Variants in NR3C2 observed in about 807,000 individuals in gnomAD.
NR3C2 encodes the protein mineralocorticoid receptor.
Under a neutral mutation model 86.4 loss-of-function variants are expected in NR3C2, and 15 were observed. The ratio of observed to expected loss-of-function variants is 0.17; its 90% CI spans 0.12 to 0.27. The LOEUF (loss-of-function observed/expected upper bound fraction) is 0.27, where lower values mean the gene tolerates loss of function less well. NR3C2 is among the 10% of genes least tolerant of loss of function. The pLI is 1.00. For synonymous variants in NR3C2, 458 were observed against 450.5 expected (o/e 1.02, Z -0.21); for missense variants, 960 against 1,195.6 (o/e 0.80, Z 2.91).
intron 6 of NR3C2, among the ~76,000 whole-genome samples, chr4:148,141,803 G>A (rs1043844623): frequency 1.3e-5 from 2 of 152,154 alleles, no homozygotes; most frequent in African/African-American, 4.8e-5. Context: ...GATCTAGGCT[G>A]CATGCTCCTT....
chr4:148,419,095 C>CTTT (rs33928091), intron 2 of NR3C2, among the ~76,000 whole-genome samples: 3 of 147,648 alleles, frequency 2.0e-5, no homozygotes, highest in African/African-American at 5.0e-5. Context: ...GTTGTTTTTC[C>CTTT]TTTTTTTTTT....
Position 148,393,479 on chromosome 4 carries a change from C to T in NR3C2, c.1757+41625G>A, listed in dbSNP as rs139232911. ...AGCCCTGATTAATGAGGAGCTGTCACGGGGCTCAGATACCTTGGGAGCTGG... is the reference window on the plus strand; with the variant it reads ...AGCCCTGATTAATGAGGAGCTGTCATGGGGCTCAGATACCTTGGGAGCTGG... On this transcript the variant is annotated intron_variant, in intron 2 of 8. Coordinates refer to ENST00000358102, the MANE Select transcript of NR3C2 (RefSeq NM_000901.5). 5.5e-3 allele frequency among the ~76,000 whole-genome samples: 833 copies of T among 152,228 alleles called. 4 individuals carry two copies. Among genetic ancestry groups the T allele is most frequent in the Middle Eastern group, 0.037 (11 of 294 alleles).
intron 2 of NR3C2, among the ~76,000 whole-genome samples, chr4:148,320,739 T>C (rs1183728678): frequency 6.6e-6 from 1 of 152,064 alleles, no homozygotes; most frequent in Non-Finnish European, 1.5e-5. Flanking sequence ...TTATCATTTT[T>C]TTATTGCGTC....
At chr4:148,357,028 C>T (rs61761537) in intron 2 of NR3C2, among the ~76,000 whole-genome samples, 12 of 151,410 alleles carry the variant, frequency 7.9e-5, no homozygotes, top group Non-Finnish European at 1.6e-4. Flanking sequence ...ATTGATAAAC[C>T]TTCAGTGACA....
chr4:148,313,476 AT>A lies in NR3C2; in HGVS notation c.1758-53360del, dbSNP rs778369740. Among the ~76,000 whole-genome samples the A allele has an allele frequency of 8.7e-4, 132 of 152,336 alleles. 2 individuals carry two copies. Among genetic ancestry groups the A allele is most frequent in the Non-Finnish European group, 5.3e-4 (36 of 68,020 alleles). ...ATGTTTTGTAAGCTAAAAACTACTA[AT>A]AAAATATTATTGTAAGTTTTGCAAA... On this transcript the variant is annotated intron_variant, in intron 2 of 8. Transcript: ENST00000358102.
intron 6 of NR3C2, among the ~76,000 whole-genome samples, chr4:148,124,700 T>G (rs1208424994): frequency 1.3e-5 from 2 of 152,196 alleles, no homozygotes; most frequent in African/African-American, 4.8e-5. Flanking sequence ...TTATTTTTCC[T>G]TTTTAAACTC....
intron 2 of NR3C2, among the ~76,000 whole-genome samples, chr4:148,402,212 C>T (rs1748204493): frequency 6.6e-6 from 1 of 152,150 alleles, no homozygotes; most frequent in Admixed American, 6.5e-5. Flanking sequence ...ACCTTCTAGG[C>T]TTTGAATTCT....
chr4:148,257,120 T>C (rs1033930737), intron 3 of NR3C2, among the ~76,000 whole-genome samples: 1 of 152,320 alleles, frequency 6.6e-6, no homozygotes, highest in South Asian at 2.1e-4. Context: ...TTTAAATGAC[T>C]TCCCTCAAAT....
At chr4:148,261,949 G>A (rs941155377) in intron 2 of NR3C2, among the ~76,000 whole-genome samples, 5 of 152,180 alleles carry the variant, frequency 3.3e-5, no homozygotes, top group Non-Finnish European at 7.4e-5. Context: ...CTGAAATAAT[G>A]TTCTCCAAAG....
At chr4:148,266,990 G>A (rs1425497773) in intron 2 of NR3C2, among the ~76,000 whole-genome samples, 1 of 152,174 alleles carries the variant, frequency 6.6e-6, no homozygotes, top group African/African-American at 2.4e-5. Context: ...TTTTGGACCT[G>A]ATAGTTGCAG....
At chr4:148,127,356 C>A (rs1430601463) in intron 6 of NR3C2, among the ~76,000 whole-genome samples, 1 of 152,178 alleles carries the variant, frequency 6.6e-6, no homozygotes, top group African/African-American at 2.4e-5. Context: ...ACAGAATATA[C>A]TCTTTGCTAC....
Position 148,306,442 on chromosome 4 carries a change from A to G in NR3C2, c.1758-46325T>C, listed in dbSNP as rs114382876. Among the ~76,000 whole-genome samples the G allele has an allele frequency of 1.6e-3, 243 of 152,330 alleles. 1 individual carries two copies. The highest frequency in any genetic ancestry group is 5.5e-3 in the African/African-American group (228 of 41,590). ...GTCGGAGGGTAAGTCTATCCAGTAT[A>G]TTCTTCCAACATATCCCGAAGTTTA... On this transcript the variant is annotated intron_variant, in intron 2 of 8. Transcript: ENST00000358102.
upstream of NR3C2, chr4:148,444,564 G>A (rs1907076): frequency 6.1e-6 from 6 of 988,026 alleles, no homozygotes; most frequent in Non-Finnish European, 7.2e-6. Flanking sequence ...GGCGGGGGAA[G>A]GGGAACGGCT....
At chr4:148,346,297 G>C (rs1454366929) in intron 2 of NR3C2, among the ~76,000 whole-genome samples, 2 of 152,102 alleles carry the variant, frequency 1.3e-5, no homozygotes, top group Admixed American at 6.6e-5. Context: ...TATCAACATA[G>C]CCCAGATAGA....
chr4:148,237,477 C>G (rs1738801389), intron 3 of NR3C2, among the ~76,000 whole-genome samples: 2 of 152,166 alleles, frequency 1.3e-5, no homozygotes, highest in Middle Eastern at 6.8e-3. Context: ...CGTCTGTGAA[C>G]GTTAAAACCA....
intron 3 of NR3C2, among the ~76,000 whole-genome samples, chr4:148,238,885 G>A (rs1299817220): frequency 6.6e-6 from 1 of 152,150 alleles, no homozygotes; most frequent in Non-Finnish European, 1.5e-5. Context: ...AGGAAGCTTC[G>A]GCCACCTCTA....
At chr4:148,349,880 G>T (rs923027593) in intron 2 of NR3C2, among the ~76,000 whole-genome samples, 2 of 152,000 alleles carry the variant, frequency 1.3e-5, no homozygotes, top group Non-Finnish European at 2.9e-5. Context: ...CGCTCCCAAG[G>T]TAATGTTATA....
chr4:148,268,449 A>G (rs548994233), intron 2 of NR3C2, among the ~76,000 whole-genome samples: 2 of 152,358 alleles, frequency 1.3e-5, no homozygotes, highest in South Asian at 2.1e-4. Flanking sequence ...GAATTAAAGA[A>G]TTGATGTACA....
At chr4:148,209,604 A>G (rs1372263946) in intron 3 of NR3C2, among the ~76,000 whole-genome samples, 1 of 152,168 alleles carries the variant, frequency 6.6e-6, no homozygotes, top group Non-Finnish European at 1.5e-5. Flanking sequence ...GGCCTAAGAA[A>G]GCATATAGAT....
Sources: allele counts gnomAD v4.1 joint callset (sites outside exome capture counted in the v4.1 genomes callset), GRCh38; gene constraint gnomAD v4.1.1; transcripts MANE v1.5; gene names NCBI Gene and HGNC (gene_info 2026-07-23, HGNC 2026-07-21).